Variants in NFIB observed in about 807,000 individuals in gnomAD.
NFIB encodes the protein nuclear factor I B, also known as nuclear factor 1 B-type.
A neutral mutation model predicts 61.5 loss-of-function variants in NFIB; 11 were observed. That is an observed-to-expected ratio of 0.18 (90% CI 0.11 to 0.30). NFIB has a LOEUF of 0.30. NFIB is among the 10% of genes least tolerant of loss of function. NFIB has a pLI of 1.00. For missense variants in NFIB, 471 were observed against 608.9 expected (o/e 0.77, Z 2.38); for synonymous variants, 260 against 216.5 (o/e 1.20, Z -1.76).
chr9:14,167,983 A>G (rs2045093247), intron 3 of NFIB, among the ~76,000 whole-genome samples: 1 of 152,234 alleles, frequency 6.6e-6, no homozygotes, highest in Admixed American at 6.5e-5. Context: ...ATTCTCAGTC[A>G]GATACCTCTC....
At chr9:14,513,669 A>C in the NFIB span, among the ~76,000 whole-genome samples, 1 of 151,630 alleles carries the variant, frequency 6.6e-6, no homozygotes, top group Non-Finnish European at 1.5e-5. Flanking sequence ...AAAAGAAAAA[A>C]AAAGAAACAA....
chr9:14,154,849 C>A (rs1468842786), intron 4 of NFIB, among the ~76,000 whole-genome samples: 2 of 152,160 alleles, frequency 1.3e-5, no homozygotes, highest in Admixed American at 6.5e-5. Flanking sequence ...GATTCCTTTA[C>A]TGAACAACAA....
chr9:14,494,385 C>T, the NFIB span, among the ~76,000 whole-genome samples: 1 of 152,124 alleles, frequency 6.6e-6, no homozygotes, highest in African/African-American at 2.4e-5. Flanking sequence ...CTCTATTGTA[C>T]TGTATACATG....
intron 2 of NFIB, among the ~76,000 whole-genome samples, chr9:14,262,716 C>T (rs139636202): frequency 1.3e-5 from 2 of 152,224 alleles, no homozygotes; most frequent in East Asian, 3.9e-4. Flanking sequence ...GAACCGACAG[C>T]GGAGAAAGAA....
chr9:14,498,990 GTGTGTA>G, the NFIB span, among the ~76,000 whole-genome samples: 8 of 151,956 alleles, frequency 5.3e-5, no homozygotes, highest in African/African-American at 1.9e-4. Flanking sequence ...ATTGGCAATT[GTGTGTA>G]TGTGTGTGTG....
At chr9:14,215,179 A>T (rs1232210885) in intron 2 of NFIB, among the ~76,000 whole-genome samples, 2 of 141,954 alleles carry the variant, frequency 1.4e-5, no homozygotes, top group Non-Finnish European at 2.9e-5. Flanking sequence ...TGGCTAAAGC[A>T]GCTTTTACGT....
chr9:14,174,024 A>C (rs774257575), intron 3 of NFIB, among the ~76,000 whole-genome samples: 2 of 152,218 alleles, frequency 1.3e-5, no homozygotes, highest in African/African-American at 2.4e-5. Context: ...TGGCTTTTTA[A>C]GAGTAATTTG....
intron 2 of NFIB, among the ~76,000 whole-genome samples, chr9:14,196,606 C>A (rs2048496793): frequency 6.6e-6 from 1 of 151,720 alleles, no homozygotes. Flanking sequence ...GTCTACTCCC[C>A]ACAGAATGTG....
chr9:14,471,827 C>G, the NFIB span, among the ~76,000 whole-genome samples: 2 of 152,310 alleles, frequency 1.3e-5, no homozygotes, highest in Admixed American at 1.3e-4. Flanking sequence ...CCAGTCTGAG[C>G]TGTTTCCCAG....
At chr9:14,314,642 A>C, upstream of NFIB, 1 of 146,764 alleles carries the variant, frequency 6.8e-6, no homozygotes, top group Non-Finnish European at 1.5e-5. Flanking sequence ...TCATCGCTTT[A>C]CTCCTCCTCC....
At position 14,116,360 on chromosome 9, in the gene NFIB, A is replaced by C. The variant is rs1587326610; in HGVS notation, c.1246-14T>G. ...ACTGCCGTTAGGCTACAAAACAAAA[A>C]CAGAATGCCGGGTGAAGCAATCCAA... On this transcript the variant is annotated splice_polypyrimidine_tract_variant and intron_variant, in intron 8 of 10. Coordinates refer to ENST00000380953, the MANE Select transcript of NFIB (RefSeq NM_001190737.2). The C allele has an allele frequency of 6.7e-7, 1 of 1,490,128 alleles. No homozygotes were observed. Among genetic ancestry groups the C allele is most frequent in the East Asian group, 2.5e-5 (1 of 39,350 alleles). 92.3% of individuals were successfully genotyped at this position (1,490,128 alleles called of 1,614,324 possible). A position where few individuals can be genotyped will look rare whatever the true frequency, so the allele number is the denominator to read the frequency against.
intron 2 of NFIB, among the ~76,000 whole-genome samples, chr9:14,264,491 G>C (rs1292122758): frequency 6.6e-6 from 1 of 152,152 alleles, no homozygotes; most frequent in African/African-American, 2.4e-5. Flanking sequence ...GCATTTAAGA[G>C]CATTTAGGTG....
At chr9:14,156,968 C>T (rs2043495085) in intron 3 of NFIB, among the ~76,000 whole-genome samples, 1 of 152,108 alleles carries the variant, frequency 6.6e-6, no homozygotes, top group Admixed American at 6.6e-5. Flanking sequence ...GGTAGTGCAG[C>T]AACATGGAGC....
At chr9:14,381,013 G>A (rs749874714) in intron 1 of NFIB, among the ~76,000 whole-genome samples, 10 of 141,070 alleles carry the variant, frequency 7.1e-5, no homozygotes, top group Non-Finnish European at 1.5e-4. Context: ...GGCAAATGTT[G>A]CAGTGAGCCG....
chr9:14,461,513 C>G, the NFIB span, among the ~76,000 whole-genome samples: 1 of 152,206 alleles, frequency 6.6e-6, no homozygotes, highest in Non-Finnish European at 1.5e-5. Flanking sequence ...CTTTCTTCCA[C>G]TGTGGAACTA....
At chr9:14,504,724 C>G in the NFIB span, among the ~76,000 whole-genome samples, 17 of 152,238 alleles carry the variant, frequency 1.1e-4, no homozygotes, top group African/African-American at 3.9e-4. Flanking sequence ...GTTCTAAGAG[C>G]TTTTTGGATG....
At chr9:14,424,016 G>A in the NFIB span, among the ~76,000 whole-genome samples, 1 of 151,960 alleles carries the variant, frequency 6.6e-6, no homozygotes, top group Non-Finnish European at 1.5e-5. Flanking sequence ...TCGCTTTTTT[G>A]GCAAGGGGTG....
intron 3 of NFIB, among the ~76,000 whole-genome samples, chr9:14,173,944 T>C (rs1459529477): frequency 6.6e-6 from 1 of 152,160 alleles, no homozygotes; most frequent in African/African-American, 2.4e-5. Flanking sequence ...CAACCTTTCA[T>C]GAGTGGGCTG....
At chr9:14,274,275 C>CACACACAG (rs1231978968) in intron 2 of NFIB, among the ~76,000 whole-genome samples, 1 of 151,468 alleles carries the variant, frequency 6.6e-6, no homozygotes. Flanking sequence ...CACACACACA[C>CACACACAG]ACACACACAC....
Sources: gnomAD v4.1 joint callset for allele counts (sites outside exome capture counted in the v4.1 genomes callset) on GRCh38, gnomAD v4.1.1 for gene constraint, MANE v1.5 for transcripts, NCBI Gene and HGNC (gene_info 2026-07-23, HGNC 2026-07-21) for gene names.